CALN1: variants seen among roughly 807,000 people sequenced by gnomAD.
CALN1 encodes calcium-binding protein 8.
In CALN1, 17 loss-of-function variants were observed where a neutral mutation model predicts 30.6. The observed-to-expected ratio is 0.56, with a 90% confidence interval of 0.38 to 0.83. The LOEUF (loss-of-function observed/expected upper bound fraction) is 0.83. Among genes scored for constraint, CALN1 ranks in the 40% least tolerant of loss-of-function variants. The pLI is 0.00. For missense variants in CALN1, 291 were observed against 354.9 expected, an observed-to-expected ratio of 0.82 and a Z score of 1.45; for synonymous variants, 156 against 131.4, an observed-to-expected ratio of 1.19 and a Z score of -1.28.
At chr7:72,061,812 A>G (rs1240719665) in intron 4 of CALN1, among the ~76,000 whole-genome samples, 2 of 150,790 alleles carry the variant, frequency 1.3e-5, no homozygotes, top group African/African-American at 2.4e-5. Flanking sequence ...AAAAAAAAAA[A>G]AAAAAAGAAA....
intron 3 of CALN1, among the ~76,000 whole-genome samples, chr7:72,126,369 A>T (rs1808765865): frequency 6.6e-6 from 1 of 152,132 alleles, no homozygotes; most frequent in Admixed American, 6.5e-5. Flanking sequence ...TGCTGCTAAA[A>T]TTTCTTCCAG....
intron 2 of CALN1, among the ~76,000 whole-genome samples, chr7:72,339,973 T>C (rs1041179806): frequency 2.8e-4 from 42 of 152,116 alleles, no homozygotes; most frequent in African/African-American, 9.9e-4. Flanking sequence ...TCATTCCCTA[T>C]AGAATCTAAA....
chr7:72,403,508 C>A (rs922685255), intron 1 of CALN1, 66 bp from the exon 2 acceptor site: 4 of 601,436 alleles, frequency 6.7e-6, no homozygotes, highest in African/African-American at 3.7e-5. Context: ...TCAAAGCCTG[C>A]CGCCTAAATA....
intron 4 of CALN1, among the ~76,000 whole-genome samples, chr7:72,047,441 T>C (rs1170968825): frequency 6.6e-6 from 1 of 151,968 alleles, no homozygotes; most frequent in East Asian, 1.9e-4. Context: ...AATAAAAAAT[T>C]AGCTGGGTGT....
At chr7:71,916,543 A>G (rs1199173374) in intron 5 of CALN1, among the ~76,000 whole-genome samples, 1 of 152,168 alleles carries the variant, frequency 6.6e-6, no homozygotes, top group Non-Finnish European at 1.5e-5. Context: ...GCTGGAGGCC[A>G]TTATCCTCAG....
the CALN1 span, among the ~76,000 whole-genome samples, chr7:72,500,084 G>T: frequency 6.7e-6 from 1 of 149,376 alleles, no homozygotes; most frequent in African/African-American, 2.5e-5. Flanking sequence ...GCTAATTTTT[G>T]TATTTTTAGT....
At chr7:72,170,818 A>G (rs1210018939) in intron 3 of CALN1, among the ~76,000 whole-genome samples, 10 of 152,208 alleles carry the variant, frequency 6.6e-5, no homozygotes, top group Non-Finnish European at 2.9e-5. Context: ...CTAGAAACTC[A>G]TACTTGTGGA....
intron 5 of CALN1, among the ~76,000 whole-genome samples, chr7:71,968,932 C>T (rs1797660205): frequency 6.6e-6 from 1 of 150,510 alleles, no homozygotes; most frequent in Admixed American, 6.6e-5. Context: ...ACCTGTAGTC[C>T]CAGCTACTTG....
intron 3 of CALN1, among the ~76,000 whole-genome samples, chr7:72,130,008 G>T (rs973082836): frequency 1.3e-5 from 2 of 152,074 alleles, no homozygotes; most frequent in Non-Finnish European, 2.9e-5. Context: ...GTGAGTTCTT[G>T]CTTTATTAGT....
At chr7:72,168,802 ATTATTTT>A (rs1788720903) in intron 3 of CALN1, among the ~76,000 whole-genome samples, 1 of 114,450 alleles carries the variant, frequency 8.7e-6, no homozygotes, top group South Asian at 3.2e-4. Flanking sequence ...TATTATTATT[ATTATTTT>A]TTTTTTTTTT....
intron 5 of CALN1, among the ~76,000 whole-genome samples, chr7:71,815,850 CCTT>C (rs1413793464): frequency 5.4e-5 from 7 of 130,760 alleles, no homozygotes; most frequent in African/African-American, 2.0e-4. Context: ...CTCCTTCCTT[CCTT>C]CTTTCCTTCC....
chr7:72,204,511 C>T (rs1791688895), intron 3 of CALN1, among the ~76,000 whole-genome samples: 1 of 152,096 alleles, frequency 6.6e-6, no homozygotes. Flanking sequence ...AACTATACTA[C>T]ACATTATACA....
intron 1 of CALN1, among the ~76,000 whole-genome samples, chr7:72,417,955 G>A (rs1157777733): frequency 6.6e-6 from 1 of 152,124 alleles, no homozygotes; most frequent in East Asian, 1.9e-4. Flanking sequence ...TTGTTTTAAG[G>A]GTTTTAAAAT....
At chr7:72,201,440 A>G (rs1791407281) in intron 3 of CALN1, among the ~76,000 whole-genome samples, 1 of 151,888 alleles carries the variant, frequency 6.6e-6, no homozygotes, top group African/African-American at 2.4e-5. Flanking sequence ...AATATGCAAA[A>G]CTTAGCCAGG....
intron 5 of CALN1, among the ~76,000 whole-genome samples, chr7:71,831,184 T>C (rs752068323): frequency 4.6e-5 from 7 of 151,854 alleles, no homozygotes; most frequent in Admixed American, 2.0e-4. Flanking sequence ...ATAATCCTAA[T>C]GATAAAAAGA....
intron 5 of CALN1, among the ~76,000 whole-genome samples, chr7:71,959,439 A>C (rs1797126702): frequency 2.0e-5 from 3 of 152,146 alleles, no homozygotes; most frequent in Non-Finnish European, 1.5e-5. Flanking sequence ...TTTTGAGGAA[A>C]GGAAAATGGG....
At chr7:72,387,915 G>C (rs545119467) in intron 2 of CALN1, among the ~76,000 whole-genome samples, 2 of 152,258 alleles carry the variant, frequency 1.3e-5, no homozygotes, top group East Asian at 3.9e-4. Flanking sequence ...GGAGAGGCTG[G>C]TTGGTATAGT....
In CALN1 at chr7:72,394,328, A is replaced by G. The variant is rs1211134281; in HGVS notation, c.119+8923T>C. Among the ~76,000 whole-genome samples the G allele has an allele frequency of 3.3e-5, 5 of 152,334 alleles. No homozygotes were observed. In the South Asian group the frequency reaches 6.2e-4, roughly 19 times the overall value. On this transcript the variant is annotated intron_variant, in intron 2 of 6. Transcript: ENST00000395275. ...AATTTGACAAAACCTAGCAAAAGAA[A>G]AAATGTACATGTTTTGACCCAGATG...
intron 5 of CALN1, among the ~76,000 whole-genome samples, chr7:72,017,170 T>TA (rs58672373): frequency 0.043 from 3,744 of 88,068 alleles, 128 homozygotes; most frequent in African/African-American, 0.091. Context: ...TCTCAAAAAT[T>TA]AAAAAAAAAA....
Sources: gnomAD v4.1 joint callset for allele counts (sites outside exome capture counted in the v4.1 genomes callset) on GRCh38, gnomAD v4.1.1 for gene constraint, MANE v1.5 for transcripts, NCBI Gene and HGNC (gene_info 2026-07-23, HGNC 2026-07-21) for gene names.